TCF4: variants seen among roughly 807,000 people sequenced by gnomAD.
The protein encoded by TCF4 is SL3-3 enhancer factor 2.
Under a neutral mutation model 82.1 loss-of-function variants are expected in TCF4, and 3 were observed. The ratio of observed to expected loss-of-function variants is 0.04; its 90% CI spans 0.02 to 0.09. The LOEUF is 0.09. Among genes scored for constraint, TCF4 ranks in the 10% least tolerant of loss-of-function variants. The pLI, the probability that TCF4 is intolerant of heterozygous loss-of-function variation, is 1.00. For missense variants in TCF4, 518 were observed against 852.7 expected (o/e 0.61, Z 4.89); for synonymous variants, 276 against 309.6 (o/e 0.89, Z 1.14).
chr18:55,414,485 T>C (rs2094460234), intron 5 of TCF4, among the ~76,000 whole-genome samples: 1 of 152,214 alleles, frequency 6.6e-6, no homozygotes, highest in South Asian at 2.1e-4. Context: ...GCCTTCTCTG[T>C]ACAACAAATA....
chr18:55,286,701 C>G (rs1046148529), intron 8 of TCF4, among the ~76,000 whole-genome samples: 1 of 152,188 alleles, frequency 6.6e-6, no homozygotes, highest in Non-Finnish European at 1.5e-5. Flanking sequence ...CAACCAAAAA[C>G]CAAACCAAAC....
chr18:55,350,848 G>A (rs1368828886), intron 7 of TCF4, 26 bp downstream of exon 7: 2 of 1,612,916 alleles, frequency 1.2e-6, no homozygotes, highest in Admixed American at 3.3e-5. Flanking sequence ...TCATCCCTCA[G>A]GCATTCAAAC....
At chr18:55,621,781 A>T (rs1371700261) in intron 2 of TCF4, among the ~76,000 whole-genome samples, 4 of 90,394 alleles carry the variant, frequency 4.4e-5, no homozygotes, top group Admixed American at 2.0e-4. Flanking sequence ...ATATAATATA[A>T]TATATATTAT....
At chr18:55,435,658 A>G (rs1324823902) in intron 5 of TCF4, among the ~76,000 whole-genome samples, 1 of 152,212 alleles carries the variant, frequency 6.6e-6, no homozygotes, top group Non-Finnish European at 1.5e-5. Context: ...GGGAAGGAGA[A>G]ATGCACAGTC....
intron 6 of TCF4, among the ~76,000 whole-genome samples, chr18:55,355,358 A>C (rs1249280679): frequency 6.6e-6 from 1 of 152,168 alleles, no homozygotes; most frequent in Non-Finnish European, 1.5e-5. Context: ...TCGGGTTTTC[A>C]AAGACACTGC....
upstream of TCF4, chr18:55,589,651 T>C (rs925873666): frequency 1.9e-6 from 2 of 1,042,050 alleles, no homozygotes; most frequent in African/African-American, 3.4e-5. Flanking sequence ...TCTCATAAAG[T>C]CTTAAACTTG....
chr18:55,498,005 G>A (rs966878104), intron 3 of TCF4, among the ~76,000 whole-genome samples: 2 of 152,102 alleles, frequency 1.3e-5, no homozygotes, highest in South Asian at 4.1e-4. Flanking sequence ...ATAATAGGAC[G>A]ATTATCCTCC....
chr18:55,441,316 G>A (rs2095434861), intron 5 of TCF4, among the ~76,000 whole-genome samples: 1 of 152,144 alleles, frequency 6.6e-6, no homozygotes, highest in Admixed American at 6.5e-5. Context: ...CTTTGTTTCA[G>A]ATAAAACTTA....
intron 8 of TCF4, among the ~76,000 whole-genome samples, chr18:55,349,532 A>G (rs777583146): frequency 2.6e-5 from 4 of 152,262 alleles, no homozygotes; most frequent in Admixed American, 6.5e-5. Flanking sequence ...TCAAAACTTT[A>G]TATCACAGCA....
chr18:55,344,579 A>G (rs149910882), intron 8 of TCF4, among the ~76,000 whole-genome samples: 17 of 152,288 alleles, frequency 1.1e-4, no homozygotes, highest in African/African-American at 3.8e-4. Context: ...CAACAAGTCC[A>G]GTTTTACACT....
At chr18:55,406,863 C>A (rs550205871) in intron 5 of TCF4, among the ~76,000 whole-genome samples, 2 of 152,284 alleles carry the variant, frequency 1.3e-5, no homozygotes, top group Non-Finnish European at 2.9e-5. Flanking sequence ...TCGAGACAAC[C>A]CTCCGGTACT....
intron 8 of TCF4, among the ~76,000 whole-genome samples, chr18:55,298,857 T>C (rs142405601): frequency 7.9e-4 from 120 of 152,262 alleles, no homozygotes; most frequent in African/African-American, 2.7e-3. Flanking sequence ...AAGGAGAAAG[T>C]TGGAGCAAAG....
At chr18:55,507,860 C>T (rs2096780381) in intron 3 of TCF4, among the ~76,000 whole-genome samples, 1 of 152,108 alleles carries the variant, frequency 6.6e-6, no homozygotes, top group African/African-American at 2.4e-5. Flanking sequence ...TCAGCTTCTC[C>T]ATTCCCCTAA....
chr18:55,537,338 C>A (rs1025080670), intron 3 of TCF4, among the ~76,000 whole-genome samples: 1 of 152,072 alleles, frequency 6.6e-6, no homozygotes, highest in African/African-American at 2.4e-5. Flanking sequence ...CAGTGGCTCA[C>A]GCCTGTAATC....
chr18:55,534,943 A>G (rs937752735), intron 3 of TCF4, among the ~76,000 whole-genome samples: 17 of 152,224 alleles, frequency 1.1e-4, no homozygotes, highest in African/African-American at 2.9e-4. Flanking sequence ...TATGTGTCCA[A>G]TCTATTCTAT....
chr18:55,362,393 AGAAGGAAG>A lies in TCF4; in HGVS notation c.370-11398_370-11391del, dbSNP rs1190854292. ...AGGAAGGAAGGAAGGAAGGAAGGAA[AGAAGGAAG>A]GAAGGAAGGAAGGAAGGAAGGAAGG... is the stretch of plus-strand genomic sequence containing the variant. On this transcript the variant is annotated intron_variant, in intron 6 of 19. Coordinates refer to ENST00000354452, the MANE Select transcript of TCF4 (RefSeq NM_001083962.2). 5.1e-4 allele frequency among the ~76,000 whole-genome samples: 22 copies of A among 43,472 alleles called. 1 individual carries two copies. The highest frequency in any genetic ancestry group is 1.1e-3 in the East Asian group (1 of 886). 28.5% of individuals were successfully genotyped at this position (43,472 alleles called of 152,430 possible). A position where few individuals can be genotyped will look rare whatever the true frequency, so the allele number is the denominator to read the frequency against.
intron 2 of TCF4, among the ~76,000 whole-genome samples, chr18:55,621,686 TATATTATATA>T (rs2097720099): frequency 1.3e-4 from 2 of 15,210 alleles, no homozygotes; most frequent in African/African-American, 3.6e-4. Context: ...CATTATATAT[TATATTATATA>T]ATATATATTA....
intron 2 of TCF4, among the ~76,000 whole-genome samples, chr18:55,601,480 A>G (rs1333737659): frequency 6.6e-6 from 1 of 151,824 alleles, no homozygotes; most frequent in East Asian, 1.9e-4. Context: ...AAAAAAAAAA[A>G]AGGAAAGGAA....
In TCF4 at chr18:55,479,505, G is replaced by A. The variant is rs116686574; in HGVS notation, c.146-15368C>T. On this transcript the variant is annotated intron_variant, in intron 3 of 19. Transcript: ENST00000354452. ...CTGAAATTCCCCATCTTCCTTTGCA[G>A]TCATGGGATCATATGACTAGGATTT... Among the ~76,000 whole-genome samples the A allele has an allele frequency of 1.3e-3, 193 of 152,326 alleles. 1 individual carries two copies. The highest frequency in any genetic ancestry group is 4.4e-3 in the African/African-American group (184 of 41,576).
Sources: gnomAD v4.1 joint callset for allele counts (sites outside exome capture counted in the v4.1 genomes callset) on GRCh38, gnomAD v4.1.1 for gene constraint, MANE v1.5 for transcripts, NCBI Gene and HGNC (gene_info 2026-07-23, HGNC 2026-07-21) for gene names.